The following OSBP2 variants were observed in gnomAD, a reference collection of about 807,000 sequenced individuals.
The protein encoded by OSBP2 is oxysterol-binding protein 2.
Under a neutral mutation model 96.0 loss-of-function variants are expected in OSBP2, and 66 were observed. The ratio of observed to expected loss-of-function variants is 0.69; its 90% CI spans 0.56 to 0.84. The LOEUF is 0.84. Among genes scored for constraint, OSBP2 ranks in the 40% least tolerant of loss-of-function variants. The pLI, the probability that OSBP2 is intolerant of heterozygous loss-of-function variation, is 0.00. For missense variants in OSBP2, 1,038 were observed against 1,222.7 expected, an observed-to-expected ratio of 0.85 and a Z score of 2.25; for synonymous variants, 525 against 520.9, an observed-to-expected ratio of 1.01 and a Z score of -0.11.
intron 2 of OSBP2, among the ~76,000 whole-genome samples, chr22:30,745,854 A>G (rs2089993664): frequency 6.6e-6 from 1 of 152,156 alleles, no homozygotes. Context: ...GAAAGTGGGA[A>G]CATTACTAAT....
intron 2 of OSBP2, among the ~76,000 whole-genome samples, chr22:30,834,043 T>TA: frequency 6.6e-6 from 1 of 151,360 alleles, no homozygotes; most frequent in East Asian, 1.9e-4. Flanking sequence ...TCCCTCTCTT[T>TA]AACCATCAGT....
intron 2 of OSBP2, among the ~76,000 whole-genome samples, chr22:30,777,360 A>G (rs533873689): frequency 2.6e-5 from 4 of 152,098 alleles, no homozygotes; most frequent in Non-Finnish European, 5.9e-5. Context: ...ATGATGGTGA[A>G]TAAGTATCAC....
At chr22:30,824,624 G>C (rs558501914) in intron 2 of OSBP2, among the ~76,000 whole-genome samples, 2 of 152,230 alleles carry the variant, frequency 1.3e-5, no homozygotes, top group East Asian at 3.9e-4. Context: ...TTGTGTCCTC[G>C]TCCCCAGCAT....
rs1252714196 is a variant in OSBP2 at position 30,890,688 on chromosome 22, G to A, written c.1624-40G>A. 5 of 1,602,102 alleles carry A rather than the reference G, an allele frequency of 3.1e-6. No individual in the cohort carries two copies. Among genetic ancestry groups the A allele is most frequent in the Non-Finnish European group, 4.3e-6 (5 of 1,175,870 alleles). ...AAGCAAGGGCACCATGCCAAGCCGGGGCTGGTGCCCAGCCTGACCACCCAC... is the reference window on the plus strand; with the variant it reads ...AAGCAAGGGCACCATGCCAAGCCGGAGCTGGTGCCCAGCCTGACCACCCAC... On this transcript the variant is annotated intron_variant, in intron 7 of 13. Transcript: ENST00000332585. The surrounding 1 kb of genome is among the most constrained non-coding windows in gnomAD (Gnocchi z 4.4).
chr22:30,713,224 G>A lies in OSBP2; in HGVS notation c.644+17671G>A, dbSNP rs181894349. 5.4e-3 allele frequency among the ~76,000 whole-genome samples: 820 copies of A among 151,626 alleles called. 10 individuals are homozygous for A. The highest frequency in any genetic ancestry group is 0.019 in the African/African-American group (794 of 41,334). The stretch of plus-strand genomic sequence containing the variant: ...CACCCTAGTAGCTGGGACTACAGGC[G>A]CCCGCCACCACGCCCGGCTAATTTT... On this transcript the variant is annotated intron_variant, in intron 1 of 13. Coordinates refer to ENST00000332585, the MANE Select transcript of OSBP2 (RefSeq NM_030758.4).
chr22:30,861,800 G>A (rs950053901), intron 2 of OSBP2, among the ~76,000 whole-genome samples: 4 of 152,170 alleles, frequency 2.6e-5, no homozygotes, highest in African/African-American at 9.7e-5. Flanking sequence ...GTGCCTCAGG[G>A]GCGCTGCTCC....
At position 30,702,118 on chromosome 22, in the gene OSBP2, A is replaced by G. The variant is rs575796592; in HGVS notation, c.644+6565A>G. 4.7e-4 allele frequency among the ~76,000 whole-genome samples: 71 copies of G among 152,102 alleles called. 1 individual carries two copies. In the South Asian group the frequency reaches 0.015, roughly 31 times the overall value. Reference sequence around the variant, plus strand: ...CTGCCTCTTCCCTCCCTCATCCCACATTAGATGAAATTTCCAAGTCCTGCC... The same window carrying G: ...CTGCCTCTTCCCTCCCTCATCCCACGTTAGATGAAATTTCCAAGTCCTGCC... On this transcript the variant is annotated intron_variant, in intron 1 of 13. Transcript: ENST00000332585.
chr22:30,895,088 C>T (rs1244794205), intron 12 of OSBP2, among the ~76,000 whole-genome samples: 2 of 152,160 alleles, frequency 1.3e-5, no homozygotes, highest in Non-Finnish European at 2.9e-5. Flanking sequence ...AATGTGGCTG[C>T]ACAGTACGAA....
intron 3 of OSBP2, among the ~76,000 whole-genome samples, chr22:30,876,087 G>A (rs1013747371): frequency 1.3e-5 from 2 of 152,242 alleles, no homozygotes; most frequent in Non-Finnish European, 2.9e-5. Context: ...ACAGCCCAGC[G>A]GGAAAGCCAG....
intron 2 of OSBP2, among the ~76,000 whole-genome samples, chr22:30,743,666 G>A (rs5753303): frequency 0.24 from 37,220 of 152,018 alleles, 4,766 homozygotes; most frequent in East Asian, 0.4. Flanking sequence ...CCTCTCCCTG[G>A]TTTCGCTTTT....
chr22:30,744,640 A>G (rs1317963701), intron 2 of OSBP2, among the ~76,000 whole-genome samples: 1 of 152,120 alleles, frequency 6.6e-6, no homozygotes, highest in Non-Finnish European at 1.5e-5. Context: ...GCGTGCCTGT[A>G]GTCCCAGCTA....
intron 6 of OSBP2, 77 bp downstream of exon 6, chr22:30,889,311 G>T: frequency 1.3e-6 from 2 of 1,492,792 alleles, no homozygotes; most frequent in Admixed American, 1.8e-5. Context: ...CCAGCACCAA[G>T]AACTGGGGGC....
upstream of OSBP2, chr22:30,693,989 A>G (rs898333312): frequency 8.4e-6 from 11 of 1,305,666 alleles, no homozygotes; most frequent in African/African-American, 1.7e-4. Context: ...AAAAAAGCGG[A>G]AAAAAAAATT....
intron 2 of OSBP2, among the ~76,000 whole-genome samples, chr22:30,767,947 A>G (rs561308425): frequency 6.6e-6 from 1 of 152,328 alleles, no homozygotes; most frequent in African/African-American, 2.4e-5. Flanking sequence ...TTAGGAGAAG[A>G]AGGAGCCACC....
At chr22:30,759,749 G>A (rs2090184814) in intron 2 of OSBP2, among the ~76,000 whole-genome samples, 1 of 152,076 alleles carries the variant, frequency 6.6e-6, no homozygotes, top group Non-Finnish European at 1.5e-5. Flanking sequence ...AGGCCTACAT[G>A]ATTTCACAGG....
chr22:30,744,632 G>A (rs759467944), intron 2 of OSBP2, among the ~76,000 whole-genome samples: 3 of 151,992 alleles, frequency 2.0e-5, no homozygotes, highest in Non-Finnish European at 4.4e-5. Flanking sequence ...GTGGTGGCGC[G>A]TGCCTGTAGT....
chr22:30,830,437 C>T (rs62235943), intron 2 of OSBP2, among the ~76,000 whole-genome samples: 2,701 of 152,352 alleles, frequency 0.018, 46 homozygotes, highest in Non-Finnish European at 0.03. Flanking sequence ...GGCCATCAGC[C>T]TTTCGGCCAT....
chr22:30,838,757 A>G (rs1602338423), intron 2 of OSBP2, among the ~76,000 whole-genome samples: 1 of 151,486 alleles, frequency 6.6e-6, no homozygotes, highest in East Asian at 1.9e-4. Flanking sequence ...TTAGTCTGTT[A>G]ATATAGTGAA....
chr22:30,801,350 A>G (rs1480164425), intron 2 of OSBP2, among the ~76,000 whole-genome samples: 1 of 152,210 alleles, frequency 6.6e-6, no homozygotes, highest in Non-Finnish European at 1.5e-5. Context: ...TTAAGGTACC[A>G]TATGTGGCAT....
Sources: allele counts gnomAD v4.1 joint callset (sites outside exome capture counted in the v4.1 genomes callset), GRCh38; gene constraint gnomAD v4.1.1; non-coding constraint Gnocchi (gnomAD v3.1); transcripts MANE v1.5; gene names NCBI Gene and HGNC (gene_info 2026-07-23, HGNC 2026-07-21).